AIG1: variants seen among roughly 807,000 people sequenced by gnomAD.
The protein encoded by AIG1 is androgen induced 1, also known as androgen-induced gene 1 protein.
In AIG1, 23 loss-of-function variants were observed where a neutral mutation model predicts 31.4. The observed-to-expected ratio is 0.73, with a 90% CI of 0.53 to 1.04. AIG1 has a LOEUF of 1.04. Ranked by LOEUF, AIG1 falls within the 50% of genes least tolerant of loss-of-function variation. The pLI, the probability that AIG1 is intolerant of heterozygous loss-of-function variation, is 0.00. For synonymous variants in AIG1, 100 were observed against 110.5 expected (o/e 0.90, Z 0.60); for missense variants, 274 against 295.0 (o/e 0.93, Z 0.52).
chr6:143,067,165 G>A (rs1776790105), intron 1 of AIG1, among the ~76,000 whole-genome samples: 1 of 151,716 alleles, frequency 6.6e-6, no homozygotes, highest in South Asian at 2.1e-4. Context: ...AATCCTGTCT[G>A]TAAATAAAAA....
chr6:143,321,331 G>A (rs775634678), intron 4 of AIG1, among the ~76,000 whole-genome samples: 8 of 151,806 alleles, frequency 5.3e-5, no homozygotes, highest in Non-Finnish European at 8.8e-5. Context: ...CAGGCAAAGT[G>A]GCTCACACCT....
chr6:143,253,853 G>T (rs2128650388), intron 3 of AIG1, among the ~76,000 whole-genome samples: 1 of 151,816 alleles, frequency 6.6e-6, no homozygotes, highest in Middle Eastern at 3.4e-3. Flanking sequence ...GAATCTCATG[G>T]GTTAGTAAAA....
intron 3 of AIG1, among the ~76,000 whole-genome samples, chr6:143,217,594 C>T (rs1403205670): frequency 1.3e-5 from 2 of 152,118 alleles, no homozygotes; most frequent in African/African-American, 4.8e-5. Context: ...CTGCAGCCTC[C>T]ACCTCCCAGG....
chr6:143,284,271 A>G lies in AIG1; in HGVS notation c.515+46A>G. The G allele has an allele frequency of 7.0e-7, 1 of 1,424,266 alleles. No homozygotes were observed. The highest frequency in any genetic ancestry group is 9.8e-7 in the Non-Finnish European group (1 of 1,018,450). The allele number at this position is 1,424,266 out of a possible 1,614,324, so 88.2% of individuals were successfully genotyped here. ...GCTTTCTTATTGTATTAGATTTTGC[A>G]CTGCTAAATTTGGGCACATATTTCA... is the stretch of plus-strand genomic sequence containing the variant. On this transcript the variant is annotated intron_variant, in intron 4 of 5. Transcript: ENST00000357847. The surrounding 1 kb of genome is among the most constrained non-coding windows in gnomAD (Gnocchi z 4.4).
intron 3 of AIG1, among the ~76,000 whole-genome samples, chr6:143,223,951 T>C (rs1435208990): frequency 6.6e-6 from 1 of 152,126 alleles, no homozygotes; most frequent in African/African-American, 2.4e-5. Context: ...TTGCAAATAA[T>C]TTTTAGGGGA....
intron 3 of AIG1, among the ~76,000 whole-genome samples, chr6:143,248,036 G>T (rs979477222): frequency 2.6e-5 from 4 of 152,168 alleles, no homozygotes; most frequent in African/African-American, 7.2e-5. Context: ...ACTGAGCCAT[G>T]CTGAGCATCA....
At chr6:143,341,332 A>G (rs1244809787), downstream of AIG1, among the ~76,000 whole-genome samples, 2 of 152,308 alleles carry the variant, frequency 1.3e-5, no homozygotes, top group East Asian at 1.9e-4. Context: ...TCACAACTAC[A>G]TGTATCTTAC....
intron 1 of AIG1, among the ~76,000 whole-genome samples, chr6:143,064,459 A>G (rs1776518497): frequency 6.6e-6 from 1 of 152,210 alleles, no homozygotes; most frequent in African/African-American, 2.4e-5. Flanking sequence ...AGGAACACAT[A>G]CCTGCTGACA....
intron 1 of AIG1, among the ~76,000 whole-genome samples, chr6:143,063,539 T>C (rs1188618847): frequency 6.6e-6 from 1 of 152,238 alleles, no homozygotes; most frequent in African/African-American, 2.4e-5. Flanking sequence ...AACCTGTCAA[T>C]CCTCAGTAAT....
chr6:143,269,493 G>A (rs13197775), intron 3 of AIG1, among the ~76,000 whole-genome samples: 12,456 of 152,206 alleles, frequency 0.082, 904 homozygotes, highest in Admixed American at 0.24. Context: ...AAAAATGCAC[G>A]CATGCCCACC....
intron 3 of AIG1, among the ~76,000 whole-genome samples, chr6:143,191,039 T>C (rs1789745865): frequency 6.6e-6 from 1 of 152,180 alleles, no homozygotes; most frequent in South Asian, 2.1e-4. Flanking sequence ...TTTGAATTTG[T>C]TGGTCTCACA....
At chr6:143,200,109 A>G (rs181219022) in intron 3 of AIG1, among the ~76,000 whole-genome samples, 5 of 152,306 alleles carry the variant, frequency 3.3e-5, no homozygotes, top group Admixed American at 2.6e-4. Context: ...GATACTTTTT[A>G]TAAGGATGTA....
intron 4 of AIG1, among the ~76,000 whole-genome samples, chr6:143,285,729 T>C (rs2128681775): frequency 6.6e-6 from 1 of 152,202 alleles, no homozygotes; most frequent in Admixed American, 6.5e-5. Context: ...AGGGAAGTAT[T>C]TGTTTTCCTA....
intron 3 of AIG1, among the ~76,000 whole-genome samples, chr6:143,167,380 G>T (rs776803450): frequency 7.2e-5 from 11 of 152,208 alleles, no homozygotes; most frequent in Admixed American, 3.3e-4. Flanking sequence ...TGAAGTTGCT[G>T]CCTCCAGTTG....
intron 1 of AIG1, among the ~76,000 whole-genome samples, chr6:143,130,062 C>T (rs1284751255): frequency 2.0e-5 from 3 of 151,480 alleles, no homozygotes; most frequent in East Asian, 2.0e-4. Context: ...TCCTGAGTAG[C>T]TGGGACCACA....
upstream of AIG1, among the ~76,000 whole-genome samples, chr6:143,060,031 G>T (rs1037628576): frequency 6.6e-6 from 1 of 152,078 alleles, no homozygotes; most frequent in African/African-American, 2.4e-5. Context: ...TACACGCAGG[G>T]GTTTTACATC....
intron 3 of AIG1, among the ~76,000 whole-genome samples, chr6:143,266,938 A>G (rs552068396): frequency 6.6e-6 from 1 of 152,316 alleles, no homozygotes; most frequent in South Asian, 2.1e-4. Context: ...ATTAAGGACA[A>G]TAATATGATC....
At position 143,222,121 on chromosome 6, in the gene AIG1, T is replaced by C. The variant is rs552442465; in HGVS notation, c.399+56938T>C. Among the ~76,000 whole-genome samples, 268 of 152,316 alleles carry C rather than the reference T, an allele frequency of 1.8e-3. 1 individual carries two copies. Among genetic ancestry groups the C allele is most frequent in the African/African-American group, 6.1e-3 (255 of 41,572 alleles). On this transcript the variant is annotated intron_variant, in intron 3 of 5. Transcript: ENST00000357847. ...TGAGATCCCTTACCTCATGTGAACC[T>C]TCCTTGACAGAATGTGAATTTCACC...
At chr6:143,260,412 G>A (rs9376734) in intron 3 of AIG1, among the ~76,000 whole-genome samples, 1,572 of 152,182 alleles carry the variant, frequency 0.01, 45 homozygotes, top group East Asian at 0.065. Context: ...TAAATAATTG[G>A]AATTTGAATC....
Sources: gnomAD v4.1 joint callset for allele counts (sites outside exome capture counted in the v4.1 genomes callset) on GRCh38, gnomAD v4.1.1 for gene constraint, Gnocchi (gnomAD v3.1) non-coding constraint, MANE v1.5 for transcripts, NCBI Gene and HGNC (gene_info 2026-07-23, HGNC 2026-07-21) for gene names.